SDK1: variants seen among roughly 807,000 people sequenced by gnomAD.
SDK1 encodes the protein sidekick cell adhesion molecule 1.
Under a neutral mutation model 245.5 loss-of-function variants are expected in SDK1, and 157 were observed. That is an observed-to-expected ratio of 0.64 (90% CI 0.56 to 0.73). The LOEUF is 0.73. Ranked by LOEUF, SDK1 falls within the 30% of genes least tolerant of loss-of-function variation. The probability of loss-of-function intolerance (pLI) is 0.00; values close to 1 mark genes in which losing one functional copy is unlikely to be tolerated. For missense variants in SDK1, 3,583 were observed against 3,002.3 expected, an observed-to-expected ratio of 1.19 and a Z score of -4.52; for synonymous variants, 1,647 against 1,278.5, an observed-to-expected ratio of 1.29 and a Z score of -6.15.
chr7:4,117,885 C>T (rs1182352709), intron 25 of SDK1, among the ~76,000 whole-genome samples: 1 of 152,172 alleles, frequency 6.6e-6, no homozygotes, highest in Non-Finnish European at 1.5e-5. Context: ...GAGGCTGAAA[C>T]TCTGCCTGCA....
intron 35 of SDK1, among the ~76,000 whole-genome samples, chr7:4,199,274 C>G (rs565337172): frequency 1.4e-4 from 22 of 152,298 alleles, no homozygotes; most frequent in Middle Eastern, 6.8e-3. Context: ...CCCGGATCTT[C>G]CTGTGATGGG....
chr7:3,917,166 T>G (rs1329679515), intron 5 of SDK1, among the ~76,000 whole-genome samples: 1 of 152,238 alleles, frequency 6.6e-6, no homozygotes, highest in African/African-American at 2.4e-5. Flanking sequence ...CAAAATTCTT[T>G]TCAGGCTTAT....
chr7:4,008,359 T>A (rs1037506238), intron 14 of SDK1, among the ~76,000 whole-genome samples: 2 of 152,254 alleles, frequency 1.3e-5, no homozygotes, highest in African/African-American at 2.4e-5. Flanking sequence ...AACAAAAGAT[T>A]CTTAGCAAAG....
At chr7:3,754,963 T>C (rs375402571) in intron 4 of SDK1, among the ~76,000 whole-genome samples, 1 of 152,258 alleles carries the variant, frequency 6.6e-6, no homozygotes, top group Non-Finnish European at 1.5e-5. Context: ...ACTTGGGCGA[T>C]GTTTTATCTA....
chr7:4,254,841 C>T (rs1014536437), intron 44 of SDK1, among the ~76,000 whole-genome samples: 1 of 152,200 alleles, frequency 6.6e-6, no homozygotes, highest in Admixed American at 6.5e-5. Context: ...TGTTGCTCCT[C>T]AGTCTTGGGC....
chr7:4,000,111 G>T (rs1344038956), intron 14 of SDK1, among the ~76,000 whole-genome samples: 1 of 152,156 alleles, frequency 6.6e-6, no homozygotes, highest in Non-Finnish European at 1.5e-5. Flanking sequence ...AATTGCTGAT[G>T]GGGTTTCCCT....
intron 5 of SDK1, among the ~76,000 whole-genome samples, chr7:3,855,893 TCA>T (rs1780533649): frequency 6.6e-6 from 1 of 152,124 alleles, no homozygotes; most frequent in Admixed American, 6.5e-5. Flanking sequence ...TTTCAGACAT[TCA>T]CAGTCTCTAA....
intron 1 of SDK1, among the ~76,000 whole-genome samples, chr7:3,570,485 G>A (rs1268160299): frequency 1.3e-5 from 2 of 152,088 alleles, no homozygotes; most frequent in Admixed American, 6.5e-5. Flanking sequence ...CCGGAGTTGG[G>A]GATCCCTGCC....
At chr7:4,011,276 G>T (rs945433337) in intron 15 of SDK1, among the ~76,000 whole-genome samples, 163 bp downstream of exon 15, 3 of 152,270 alleles carry the variant, frequency 2.0e-5, no homozygotes, top group Non-Finnish European at 4.4e-5. Context: ...AAGAGGGAAA[G>T]ACAGGCCCAC....
intron 22 of SDK1, among the ~76,000 whole-genome samples, chr7:4,081,039 G>T (rs980089766): frequency 6.6e-6 from 1 of 152,194 alleles, no homozygotes; most frequent in African/African-American, 2.4e-5. Flanking sequence ...AATACTTTTA[G>T]GCCCGCAGAA....
intron 1 of SDK1, among the ~76,000 whole-genome samples, chr7:3,598,694 A>G (rs539594746): frequency 6.6e-6 from 1 of 152,340 alleles, no homozygotes; most frequent in South Asian, 2.1e-4. Context: ...AGAATATTAT[A>G]TAAAAGGAAT....
At chr7:3,468,202 G>A (rs1781069558) in intron 1 of SDK1, among the ~76,000 whole-genome samples, 1 of 152,086 alleles carries the variant, frequency 6.6e-6, no homozygotes, top group African/African-American at 2.4e-5. Flanking sequence ...CTAGATAACT[G>A]TATAATATTT....
chr7:3,615,633 A>G (rs1226670706), intron 1 of SDK1, among the ~76,000 whole-genome samples: 2 of 151,678 alleles, frequency 1.3e-5, no homozygotes, highest in Non-Finnish European at 2.9e-5. Context: ...TGTTTATTGA[A>G]CAGAAAGTTG....
At chr7:3,336,613 C>T (rs916271528) in intron 1 of SDK1, among the ~76,000 whole-genome samples, 2 of 152,138 alleles carry the variant, frequency 1.3e-5, no homozygotes, top group African/African-American at 4.8e-5. Flanking sequence ...CCTCCCCGCC[C>T]CTCCTTTGGT....
intron 1 of SDK1, among the ~76,000 whole-genome samples, chr7:3,373,076 A>G (rs1482046517): frequency 6.6e-6 from 1 of 152,212 alleles, no homozygotes; most frequent in Non-Finnish European, 1.5e-5. Context: ...AATTTCCTAT[A>G]CGGATGTAGT....
chr7:3,329,603 T>G lies in SDK1; in HGVS notation c.298+27719T>G, dbSNP rs562391571. Among the ~76,000 whole-genome samples the G allele has an allele frequency of 7.2e-5, 11 of 152,290 alleles. No homozygotes were observed. The South Asian group carries it at 2.3e-3, about 32-fold the overall frequency. On this transcript the variant is annotated intron_variant, in intron 1 of 44. Coordinates refer to ENST00000404826, the MANE Select transcript of SDK1 (RefSeq NM_152744.4). ...CTATAGATTTGCCTTTTCTGGACAT[T>G]TCATATAAGTAGAATCATCCGGGAT...
chr7:3,850,454 C>G (rs1193663047), intron 5 of SDK1, among the ~76,000 whole-genome samples: 1 of 152,168 alleles, frequency 6.6e-6, no homozygotes, highest in Non-Finnish European at 1.5e-5. Flanking sequence ...TGCGGCGATC[C>G]CTCAAGGATC....
intron 1 of SDK1, among the ~76,000 whole-genome samples, chr7:3,510,848 T>C (rs1415140184): frequency 6.6e-6 from 1 of 152,206 alleles, no homozygotes; most frequent in Non-Finnish European, 1.5e-5. Flanking sequence ...CAACAAAAGA[T>C]GGCATTCCAG....
At chr7:3,586,801 A>G (rs35223403) in intron 1 of SDK1, among the ~76,000 whole-genome samples, 8,168 of 151,720 alleles carry the variant, frequency 0.054, 241 homozygotes, top group East Asian at 0.12. Context: ...ATCATGTGGG[A>G]TGTCTTTATG....
Sources: gnomAD v4.1 joint callset for allele counts (sites outside exome capture counted in the v4.1 genomes callset) on GRCh38, gnomAD v4.1.1 for gene constraint, MANE v1.5 for transcripts, NCBI Gene and HGNC (gene_info 2026-07-23, HGNC 2026-07-21) for gene names.